The following GPSM2 variants were observed in gnomAD, a reference collection of about 807,000 sequenced individuals.
GPSM2 encodes G protein-signaling modulator 2.
A neutral mutation model predicts 78.4 loss-of-function variants in GPSM2; 58 were observed. That is an observed-to-expected ratio of 0.74 (90% CI 0.60 to 0.92). The LOEUF (loss-of-function observed/expected upper bound fraction) is 0.92. GPSM2 is among the 40% of genes least tolerant of loss of function. The pLI is 0.00. For synonymous variants in GPSM2, 224 were observed against 280.2 expected (o/e 0.80, Z 2.00); for missense variants, 700 against 815.5 (o/e 0.86, Z 1.73).
chr1:108,891,225 T>G (rs1007644882), intron 2 of GPSM2, among the ~76,000 whole-genome samples: 14 of 152,222 alleles, frequency 9.2e-5, no homozygotes, highest in Admixed American at 9.2e-4. Flanking sequence ...TTTAATACTT[T>G]AATATTGTAA....
chr1:108,898,755 C>A lies in GPSM2; in HGVS notation c.671C>A (p.Ala224Asp), dbSNP rs555009672. 2 of 1,614,070 alleles carry A rather than the reference C, an allele frequency of 1.2e-6. No homozygotes were observed. Among genetic ancestry groups the A allele is most frequent in the East Asian group, 4.5e-5 (2 of 44,868 alleles). The part of the protein sequence containing the change: ...LLGNFRDAVI[A>D]HEQRLLIAKE... ...GGCAACTTCAGGGATGCAGTTATAG[C>A]TCATGAGCAGGTACAGTGGAAAGCC... Residue 224 changes from alanine (A) to aspartate (D), a missense_variant, in exon 6 of 15, where the codon GCT becomes GAT. Physicochemically the swap from Ala to Asp is moderately radical, Grantham distance 126. Transcript: ENST00000264126.
At chr1:108,922,348 ATGTTCATTGATG>A (rs1650775720) in intron 12 of GPSM2, 57 bp from the exon 13 acceptor site, 2 of 1,102,736 alleles carry the variant, frequency 1.8e-6, no homozygotes, top group South Asian at 2.5e-5. Flanking sequence ...ATGCATCATG[ATGTTCATTGATG>A]ATCTAAAGAT....
intron 14 of GPSM2, among the ~76,000 whole-genome samples, chr1:108,928,980 A>C (rs1392288214): frequency 2.1e-5 from 3 of 143,402 alleles, no homozygotes; most frequent in Non-Finnish European, 4.6e-5. Flanking sequence ...CAGAGCGAGA[A>C]TCCGTCTCAA....
chr1:108,895,492 G>A (rs972767655), intron 2 of GPSM2, among the ~76,000 whole-genome samples: 1 of 152,168 alleles, frequency 6.6e-6, no homozygotes, highest in Non-Finnish European at 1.5e-5. Flanking sequence ...TAAGCTGCAG[G>A]TGGGCAGGAC....
At chr1:108,882,773 C>T (rs1278773793) in intron 1 of GPSM2, 1 of 152,164 alleles carries the variant, frequency 6.6e-6, no homozygotes, top group Non-Finnish European at 1.5e-5. Flanking sequence ...AGTATCCACA[C>T]TAATTCCCTT....
intron 2 of GPSM2, among the ~76,000 whole-genome samples, chr1:108,890,591 C>T (rs749880363): frequency 7.2e-5 from 11 of 152,148 alleles, no homozygotes; most frequent in Non-Finnish European, 1.0e-4. Context: ...ATTGGATTGT[C>T]GTATAATTGG....
intron 14 of GPSM2, among the ~76,000 whole-genome samples, chr1:108,927,753 T>C (rs1651233927): frequency 6.6e-6 from 1 of 152,202 alleles, no homozygotes; most frequent in Non-Finnish European, 1.5e-5. Context: ...GAGGATTGCT[T>C]GAGCCCAGGA....
At chr1:108,923,569 G>C (rs1650901918) in intron 13 of GPSM2, among the ~76,000 whole-genome samples, 2 of 152,200 alleles carry the variant, frequency 1.3e-5, no homozygotes, top group Non-Finnish European at 2.9e-5. Context: ...CATAGACCAA[G>C]ACTTGCCAGC....
chr1:108,895,620 C>G (rs1033488133), intron 2 of GPSM2, among the ~76,000 whole-genome samples: 2 of 152,064 alleles, frequency 1.3e-5, no homozygotes, highest in African/African-American at 2.4e-5. Flanking sequence ...TTGCACATTC[C>G]TTATGAGAGT....
chr1:108,920,425 C>T (rs1271057742), intron 12 of GPSM2, among the ~76,000 whole-genome samples: 7 of 151,842 alleles, frequency 4.6e-5, no homozygotes, highest in East Asian at 3.9e-4. Context: ...GCCGAGATCG[C>T]GCCACTGTAC....
rs954547873 is a variant in GPSM2 at position 108,886,347 on chromosome 1, C to T, written c.56+769C>T. ...CATTTTTAAGCTTAATGTCTAGTGA[C>T]ATTTTGTGTTGTTTTGCTGATTTAA... On this transcript the variant is annotated intron_variant, in intron 2 of 14. Transcript: ENST00000264126. 3.9e-5 allele frequency among the ~76,000 whole-genome samples: 6 copies of T among 152,282 alleles called. No individual in the cohort carries two copies. In the South Asian group the frequency reaches 6.2e-4, roughly 16 times the overall value.
chr1:108,904,703 T>G (rs1332161548), intron 10 of GPSM2, among the ~76,000 whole-genome samples: 3 of 151,966 alleles, frequency 2.0e-5, no homozygotes, highest in Non-Finnish European at 4.4e-5. Flanking sequence ...AGGTGAATTT[T>G]CTTAGGACTT....
chr1:108,900,233 A>ATT lies in GPSM2; in HGVS notation c.797+1260_797+1261dup, dbSNP rs756615139. Among the ~76,000 whole-genome samples, 471 of 131,192 alleles carry ATT rather than the reference A, an allele frequency of 3.6e-3. 2 individuals carry two copies. The highest frequency in any genetic ancestry group is 6.0e-3 in the Non-Finnish European group (367 of 60,708). 86.1% of individuals were successfully genotyped at this position (131,192 alleles called of 152,430 possible). ...AAATATTTTTAGAACTCTTCTTTAG[A>ATT]TTTTTTTTTTTTTTTTTTTTTTAAA... On this transcript the variant is annotated intron_variant, in intron 7 of 14. Coordinates refer to ENST00000264126, the MANE Select transcript of GPSM2 (RefSeq NM_013296.5).
At chr1:108,895,887 C>G (rs1192243885) in intron 2 of GPSM2, among the ~76,000 whole-genome samples, 1 of 152,160 alleles carries the variant, frequency 6.6e-6, no homozygotes, top group African/African-American at 2.4e-5. Context: ...TTAGAATATA[C>G]ATATAAGTAT....
chr1:108,889,283 C>T (rs548363762), intron 2 of GPSM2, among the ~76,000 whole-genome samples: 98 of 152,280 alleles, frequency 6.4e-4, no homozygotes, highest in African/African-American at 2.0e-3. Context: ...TTAACTGGAA[C>T]GGGACCTCAC....
chr1:108,902,125 T>G (rs1242211501), intron 8 of GPSM2, among the ~76,000 whole-genome samples, 180 bp downstream of exon 8: 1 of 152,168 alleles, frequency 6.6e-6, no homozygotes, highest in African/African-American at 2.4e-5. Flanking sequence ...AGAGGATTAG[T>G]CTGGTTCCAT....
chr1:108,922,559 C>A lies in GPSM2; in HGVS notation c.1583C>A (p.Pro528His), dbSNP rs1260863707. The change falls in exon 13 of 15, where the codon CCT becomes CAT. Residue 528 changes from proline (P) to histidine (H), a missense_variant. Pro to His is a moderately conservative substitution (Grantham distance 77). Transcript: ENST00000264126. ...TASTTTSSTP[P>H]KMMLKTSSVP... ...TCAACAACAACTTCTTCCACTCCCC[C>A]TAAAATGATGCTAAAAAGTAAGTCA... 2 of 1,612,394 alleles carry A rather than the reference C, an allele frequency of 1.2e-6. No homozygotes were observed. The highest frequency in any genetic ancestry group is 1.7e-6 in the Non-Finnish European group (2 of 1,178,582).
intron 7 of GPSM2, among the ~76,000 whole-genome samples, chr1:108,900,437 C>T (rs1177722296): frequency 6.6e-6 from 1 of 152,032 alleles, no homozygotes; most frequent in Admixed American, 6.6e-5. Flanking sequence ...CGGGGTTTCG[C>T]CATGTTGGCC....
intron 10 of GPSM2, among the ~76,000 whole-genome samples, chr1:108,905,241 CT>C (rs1649126196): frequency 6.6e-6 from 1 of 152,218 alleles, no homozygotes; most frequent in Non-Finnish European, 1.5e-5. Context: ...GAGCTCTCAT[CT>C]TTAAAAAGCA....
Sources: gnomAD v4.1 joint callset for allele counts (sites outside exome capture counted in the v4.1 genomes callset) on GRCh38, gnomAD v4.1.1 for gene constraint, MANE v1.5 for transcripts, NCBI Gene and HGNC (gene_info 2026-07-23, HGNC 2026-07-21) for gene names.